Variants in RABGAP1L observed in about 807,000 individuals in gnomAD.
The protein encoded by RABGAP1L is rab GTPase-activating protein 1-like.
A neutral mutation model predicts 137.7 loss-of-function variants in RABGAP1L; 63 were observed. The observed-to-expected ratio is 0.46, with a 90% CI of 0.37 to 0.56. The LOEUF is 0.56. RABGAP1L is among the 20% of genes least tolerant of loss of function. The pLI, the probability that RABGAP1L is intolerant of heterozygous loss-of-function variation, is 0.00. For synonymous variants in RABGAP1L, 431 were observed against 433.7 expected (o/e 0.99, Z 0.08); for missense variants, 1,095 against 1,244.0 (o/e 0.88, Z 1.80).
At chr1:174,404,976 A>G (rs1649092058) in intron 13 of RABGAP1L, among the ~76,000 whole-genome samples, 1 of 152,202 alleles carries the variant, frequency 6.6e-6, no homozygotes. Context: ...ACATCAGATT[A>G]CTGGTACTGC....
chr1:174,550,985 TATATATATATACAC>T lies in RABGAP1L; in HGVS notation c.1711-86378_1711-86365del, dbSNP rs1213585242. On this transcript the variant is annotated intron_variant, in intron 13 of 25. Transcript: ENST00000681986. ...ACATATATATACATGTATATATACA[TATATATATATACAC>T]ATATATATATATATATATATATACA... Among the ~76,000 whole-genome samples, 107 of 92,662 alleles carry T rather than the reference TATATATATATACAC, an allele frequency of 1.2e-3. 6 individuals carry two copies. Among genetic ancestry groups the T allele is most frequent in the African/African-American group, 8.5e-3 (102 of 11,962 alleles). The allele number at this position is 92,662 out of a possible 152,430, so 60.8% of individuals were successfully genotyped here. A position where few individuals can be genotyped will look rare whatever the true frequency, so the allele number is the denominator to read the frequency against.
chr1:174,877,317 G>C, intron 19 of RABGAP1L: 1 of 1,282,134 alleles, frequency 7.8e-7, no homozygotes. Context: ...AGCCAAGCCT[G>C]TGATAGCAGC....
At position 174,371,082 on chromosome 1, in the gene RABGAP1L, T is replaced by A; in HGVS notation, c.1559+10T>A. On this transcript the variant is annotated intron_variant, in intron 12 of 25. Transcript: ENST00000681986. ...AGTTGCTAGGAAAATGGTAAAATTT[T>A]ATTTTTCATACTGAAAATTCTATAT... The A allele has an allele frequency of 7.1e-7, 1 of 1,407,424 alleles. No individual in the cohort carries two copies. Among genetic ancestry groups the A allele is most frequent in the Non-Finnish European group, 9.7e-7 (1 of 1,026,274 alleles). 87.2% of individuals were successfully genotyped at this position (1,407,424 alleles called of 1,614,324 possible).
intron 13 of RABGAP1L, among the ~76,000 whole-genome samples, chr1:174,577,255 AC>A (rs1668443340): frequency 7.6e-6 from 1 of 132,112 alleles, no homozygotes; most frequent in Non-Finnish European, 1.7e-5. Flanking sequence ...ACACACACAC[AC>A]ACACACACAT....
Position 174,818,264 on chromosome 1 carries a change from G to A in RABGAP1L, c.2340+6304G>A, listed in dbSNP as rs368533421. 4.6e-5 allele frequency among the ~76,000 whole-genome samples: 7 copies of A among 152,274 alleles called. No individual in the cohort carries two copies. The East Asian group carries it at 7.7e-4, about 17-fold the overall frequency. On this transcript the variant is annotated intron_variant, in intron 19 of 25. Transcript: ENST00000681986. The stretch of plus-strand genomic sequence containing the variant: ...GGAATAGAAGCTGGTGAGACTAGAA[G>A]GCAGGAAGAAACCCAGAAGAGTATG...
intron 1 of RABGAP1L, among the ~76,000 whole-genome samples, chr1:174,173,251 C>T (rs533554283): frequency 1.3e-5 from 2 of 151,996 alleles, no homozygotes; most frequent in Non-Finnish European, 2.9e-5. Flanking sequence ...CTGCCTCAGC[C>T]TCCCGAGTAG....
chr1:174,487,276 A>C (rs1017137432), intron 13 of RABGAP1L, among the ~76,000 whole-genome samples: 1 of 152,194 alleles, frequency 6.6e-6, no homozygotes, highest in African/African-American at 2.4e-5. Flanking sequence ...CTTTAGCTCT[A>C]ATAATATTTG....
intron 17 of RABGAP1L, among the ~76,000 whole-genome samples, chr1:174,726,627 T>C (rs1230891584): frequency 6.6e-6 from 1 of 152,172 alleles, no homozygotes; most frequent in Non-Finnish European, 1.5e-5. Flanking sequence ...GTTAGAAAAT[T>C]TAAGTCATTT....
At chr1:174,497,382 G>A (rs1178890711) in intron 13 of RABGAP1L, among the ~76,000 whole-genome samples, 2 of 152,128 alleles carry the variant, frequency 1.3e-5, no homozygotes, top group Non-Finnish European at 2.9e-5. Flanking sequence ...TGCAAGTTAA[G>A]GAACTTCCAT....
intron 17 of RABGAP1L, among the ~76,000 whole-genome samples, chr1:174,722,764 T>G (rs1454213643): frequency 6.6e-6 from 1 of 152,054 alleles, no homozygotes; most frequent in Admixed American, 6.5e-5. Context: ...ATCTCAAGCT[T>G]CTACCAGTAG....
At chr1:174,319,060 GTACT>G (rs1480712261) in intron 11 of RABGAP1L, among the ~76,000 whole-genome samples, 59 of 151,972 alleles carry the variant, frequency 3.9e-4, no homozygotes, top group African/African-American at 1.4e-3. Context: ...TTGCATATTT[GTACT>G]TACTTTTTTC....
chr1:174,602,119 T>C (rs906846466), intron 13 of RABGAP1L, among the ~76,000 whole-genome samples: 3 of 152,168 alleles, frequency 2.0e-5, no homozygotes, highest in African/African-American at 7.2e-5. Flanking sequence ...GTCACTTCCA[T>C]ATTTTCGGGT....
At chr1:174,950,530 T>C (rs1558272312) in intron 19 of RABGAP1L, among the ~76,000 whole-genome samples, 1 of 152,186 alleles carries the variant, frequency 6.6e-6, no homozygotes, top group Non-Finnish European at 1.5e-5. Flanking sequence ...GAGTGCATTA[T>C]ACTACTGCAA....
At position 174,405,933 on chromosome 1, in the gene RABGAP1L, A is replaced by G. The variant is rs551733031; in HGVS notation, c.1710+11788A>G. 5.7e-4 allele frequency among the ~76,000 whole-genome samples: 86 copies of G among 152,146 alleles called. 1 individual carries two copies. In the Middle Eastern group the frequency reaches 0.014, roughly 24 times the overall value. Reference sequence around the variant, plus strand: ...GCAGAGGTTGCAGTGAGCCAAGATCACGCCACTGCACTCCAGCCTGGGTGA... The same window carrying G: ...GCAGAGGTTGCAGTGAGCCAAGATCGCGCCACTGCACTCCAGCCTGGGTGA... On this transcript the variant is annotated intron_variant, in intron 13 of 25. Transcript: ENST00000681986.
At chr1:174,831,565 T>A (rs1340573578) in intron 19 of RABGAP1L, among the ~76,000 whole-genome samples, 1 of 148,326 alleles carries the variant, frequency 6.7e-6, no homozygotes, top group African/African-American at 2.5e-5. Flanking sequence ...ACTCTTTGAT[T>A]GGCCCTAGTT....
chr1:174,723,560 A>C (rs900389745), intron 17 of RABGAP1L, among the ~76,000 whole-genome samples: 2 of 152,150 alleles, frequency 1.3e-5, no homozygotes, highest in African/African-American at 4.8e-5. Context: ...TTATATAATA[A>C]ATGAGTGAAG....
At chr1:174,327,982 C>CATATATATATATATGT (rs1558136090) in intron 11 of RABGAP1L, among the ~76,000 whole-genome samples, 1 of 24,758 alleles carries the variant, frequency 4.0e-5, no homozygotes, top group African/African-American at 1.5e-4. Flanking sequence ...TATATATACA[C>CATATATATATATATGT]ACACATATAT....
rs1674636692 is a variant in RABGAP1L, at chr1:174,272,463, A to T, written c.1036A>T (p.Met346Leu). 1.9e-6 allele frequency: 3 copies of T among 1,598,494 alleles called. No individual in the cohort carries two copies. Among genetic ancestry groups the T allele is most frequent in the Admixed American group, 1.8e-5 (1 of 56,838 alleles). Residue 346 changes from methionine (M) to leucine (L), a missense_variant, in exon 8 of 26, where the codon ATG (methionine) becomes TTG (leucine). This residue lies in a region of RABGAP1L where 112 missense variants were observed against 157.3 expected (regional missense o/e 0.71). Coordinates refer to ENST00000681986, the MANE Select transcript of RABGAP1L (RefSeq NM_001366446.1). Reference sequence around the variant, plus strand: ...AGGTCGAAACGTGAAGAACAGTGACATGCATTTACTGGATATGGTAATGAT... The same window carrying T: ...AGGTCGAAACGTGAAGAACAGTGACTTGCATTTACTGGATATGGTAATGAT... ...SPGRNVKNSD[M>L]HLLDMESMGK...
chr1:174,391,294 C>T (rs752849810), intron 12 of RABGAP1L, among the ~76,000 whole-genome samples: 34 of 152,174 alleles, frequency 2.2e-4, no homozygotes, highest in Non-Finnish European at 3.1e-4. Flanking sequence ...TGGAGAATTG[C>T]GCATGGCATT....
Sources: gnomAD v4.1 joint callset for allele counts (sites outside exome capture counted in the v4.1 genomes callset) on GRCh38, gnomAD v4.1.1 for gene constraint, gnomAD v4.1.1 regional missense constraint, MANE v1.5 for transcripts, NCBI Gene and HGNC (gene_info 2026-07-23, HGNC 2026-07-21) for gene names.